RECK: variants seen among roughly 807,000 people sequenced by gnomAD.
The protein encoded by RECK is reversion-inducing cysteine-rich protein with Kazal motifs.
In RECK, 69 loss-of-function variants were observed where a neutral mutation model predicts 115.1. The ratio of observed to expected loss-of-function variants is 0.60; its 90% CI spans 0.49 to 0.73. The LOEUF (loss-of-function observed/expected upper bound fraction) is 0.73, where lower values mean the gene tolerates loss of function less well. Ranked by LOEUF, RECK falls within the 30% of genes least tolerant of loss-of-function variation. The pLI, the probability that RECK is intolerant of heterozygous loss-of-function variation, is 0.00. For missense variants in RECK, 1,047 were observed against 1,203.7 expected (o/e 0.87, Z 1.93); for synonymous variants, 414 against 419.7 (o/e 0.99, Z 0.17).
intron 5 of RECK, among the ~76,000 whole-genome samples, chr9:36,064,915 C>T (rs1156241922): frequency 6.6e-6 from 1 of 151,934 alleles, no homozygotes; most frequent in Non-Finnish European, 1.5e-5. Flanking sequence ...CACCCCTCAG[C>T]AGATTTTTTT....
At chr9:36,066,876 A>G in intron 6 of RECK, 1 of 1,268,190 alleles carries the variant, frequency 7.9e-7, no homozygotes. Flanking sequence ...GAAAGGTAAG[A>G]GAGACAAACT....
chr9:36,109,835 C>A (rs1309893398), intron 14 of RECK, 122 bp from the exon 15 acceptor site: 7 of 968,984 alleles, frequency 7.2e-6, no homozygotes, highest in East Asian at 2.6e-5. Context: ...TAGAATGAGA[C>A]CCTTCTCAAA....
chr9:36,100,877 C>A lies in RECK; in HGVS notation c.1298+334C>A, dbSNP rs577252508. On this transcript the variant is annotated intron_variant, in intron 11 of 20. Coordinates refer to ENST00000377966, the MANE Select transcript of RECK (RefSeq NM_021111.3). ...TAGTTCATGAAACATTTATTAAATA[C>A]CTCTGATGCACAATTCTATTTTTAT... Among the ~76,000 whole-genome samples, 56 of 152,246 alleles carry A rather than the reference C, an allele frequency of 3.7e-4. No homozygotes were observed. The South Asian group carries it at 6.4e-3, about 17-fold the overall frequency.
At chr9:36,103,753 G>A (rs974678521) in intron 12 of RECK, among the ~76,000 whole-genome samples, 1 of 152,198 alleles carries the variant, frequency 6.6e-6, no homozygotes, top group Non-Finnish European at 1.5e-5. Context: ...AAAAAAGAGA[G>A]CATTAGACTG....
chr9:36,065,793 T>C (rs939246654), intron 6 of RECK, among the ~76,000 whole-genome samples, 169 bp downstream of exon 6: 2 of 152,190 alleles, frequency 1.3e-5, no homozygotes, highest in South Asian at 2.1e-4. Context: ...ATGTTATGAT[T>C]TTAGTTGATT....
At chr9:36,112,122 C>CAAAAAAAAA (rs58460262) in intron 15 of RECK, among the ~76,000 whole-genome samples, 183 bp from the exon 16 acceptor site, 1 of 71,648 alleles carries the variant, frequency 1.4e-5, no homozygotes, top group Non-Finnish European at 2.6e-5. Flanking sequence ...GACTCCATCT[C>CAAAAAAAAA]AAAAAAAAAA....
Position 36,109,961 on chromosome 9 carries a change from T to A in RECK, c.1770T>A (p.His590Gln), listed in dbSNP as rs978949754. ...TTTTCTTTCTGTTTCTGTCAGGTCA[T>A]GGAACATCCTTTAGTATTGACTGCA... is the stretch of plus-strand genomic sequence containing the variant. Reference protein sequence around the residue: ...SCIVGGKRKSHGTSFSIDCNV... With the variant: ...SCIVGGKRKSQGTSFSIDCNV... The change falls in exon 15 of 21, where the codon CAT becomes CAA. Residue 590 changes from histidine (H) to glutamine (Q), a missense_variant. By Grantham distance (24) the His-to-Gln change is conservative (BLOSUM62 0). Coordinates refer to ENST00000377966, the MANE Select transcript of RECK (RefSeq NM_021111.3). 1.3e-5 allele frequency: 21 copies of A among 1,611,768 alleles called. No individual in the cohort carries two copies. In the Admixed American group the frequency reaches 2.8e-4, roughly 22 times the overall value.
In RECK at chr9:36,113,890, G is replaced by T. The variant is rs562837877; in HGVS notation, c.2060+1414G>T. Among the ~76,000 whole-genome samples, 9 of 152,268 alleles carry T rather than the reference G, an allele frequency of 5.9e-5. No homozygotes were observed. In the East Asian group the frequency reaches 1.7e-3, roughly 29 times the overall value. ...TGAAAAGGTACTTTTATTTGTTAGG[G>T]TAAGTAATTCCAGCTACTGTATACA... On this transcript the variant is annotated intron_variant, in intron 16 of 20. Transcript: ENST00000377966.
chr9:36,119,749 A>G (rs868509443), intron 18 of RECK, among the ~76,000 whole-genome samples: 16 of 152,326 alleles, frequency 1.1e-4, no homozygotes, highest in African/African-American at 3.8e-4. Flanking sequence ...ATAAGTTGCC[A>G]TGCAAATCTG....
In RECK at chr9:36,102,122, T is replaced by A; in HGVS notation, c.1327T>A (p.Cys443Ser). The stretch of plus-strand genomic sequence containing the variant: ...AGATTGTGTGGAGATTCTTAAAAAA[T>A]GTGGAGACCAGAACAAATTCCCTGA... Reference protein sequence around the residue: ...KSDCVEILKKCGDQNKFPEDH... With the variant: ...KSDCVEILKKSGDQNKFPEDH... The change falls in exon 12 of 21, where the codon TGT becomes AGT. Residue 443 changes from cysteine to serine, a missense_variant. Cys to Ser is a moderately radical substitution (Grantham distance 112). Coordinates refer to ENST00000377966, the MANE Select transcript of RECK (RefSeq NM_021111.3). The A allele has an allele frequency of 6.2e-7, 1 of 1,613,438 alleles. No homozygotes were observed.
At chr9:36,048,697 C>T (rs898536003) in intron 1 of RECK, among the ~76,000 whole-genome samples, 1 of 152,150 alleles carries the variant, frequency 6.6e-6, no homozygotes, top group Non-Finnish European at 1.5e-5. Context: ...AGTTAGAGAG[C>T]ATAACTTTTG....
chr9:36,087,716 T>A lies in RECK; in HGVS notation c.660T>A (p.Ala220=). ...TAGGTTTATATTGCTGTGACAGAGCTGAAGACCATGCTTGCCAAAATGCCT... is the reference window on the plus strand; with the variant it reads ...TAGGTTTATATTGCTGTGACAGAGCAGAAGACCATGCTTGCCAAAATGCCT... ...PTDSLYCCDR[A]EDHACQNACK... Residue 220 remains alanine (A), a synonymous_variant, in exon 9 of 21, where the codon GCT becomes GCA. Coordinates refer to ENST00000377966, the MANE Select transcript of RECK (RefSeq NM_021111.3). The A allele has an allele frequency of 6.2e-7, 1 of 1,614,004 alleles. No homozygotes were observed. The highest frequency in any genetic ancestry group is 8.5e-7 in the Non-Finnish European group (1 of 1,179,910).
rs1821961094 is a variant in RECK, at chr9:36,065,576, G to T, written c.358-1G>T. ...TAATGGAGAAATTTGTTGGTTTTTA[G>T]GCATCTTCAAAGAATGATATTTCCA... is the stretch of plus-strand genomic sequence containing the variant. On this transcript the variant is annotated splice_acceptor_variant, in intron 5 of 20. Coordinates refer to ENST00000377966, the MANE Select transcript of RECK (RefSeq NM_021111.3). LOFTEE classifies it high-confidence loss of function. 6.3e-7 allele frequency: 1 copy of T among 1,581,686 alleles called. No homozygotes were observed. The highest frequency in any genetic ancestry group is 8.6e-7 in the Non-Finnish European group (1 of 1,166,846).
At chr9:36,103,288 GAACA>G (rs1823633691) in intron 12 of RECK, among the ~76,000 whole-genome samples, 1 of 152,204 alleles carries the variant, frequency 6.6e-6, no homozygotes, top group South Asian at 2.1e-4. Context: ...ACAAAAAACA[GAACA>G]AATAGAAGTA....
rs1281578210 is a variant in RECK at position 36,058,849 on chromosome 9, C to G, written c.182C>G (p.Ser61Cys). 8.2e-6 allele frequency: 13 copies of G among 1,581,974 alleles called. No individual in the cohort carries two copies. The highest frequency in any genetic ancestry group is 2.7e-5 in the African/African-American group (2 of 73,220). The change falls in exon 3 of 21, where the codon TCC becomes TGC. Residue 61 changes from serine to cysteine, a missense_variant. Coordinates refer to ENST00000377966, the MANE Select transcript of RECK (RefSeq NM_021111.3). ...CEQIFSSKSE[S>C]RLKHLLQRAP... ...TAGATTTTCTCCTCAAAAAGTGAAT[C>G]CCGACTAAAACATCTGTTGCAGCGA...
Position 36,065,625 on chromosome 9 carries a change from G to T in RECK, c.405+1G>T. On this transcript the variant is annotated splice_donor_variant, in intron 6 of 20. Coordinates refer to ENST00000377966, the MANE Select transcript of RECK (RefSeq NM_021111.3). LOFTEE classifies it high-confidence loss of function. ...CAAAGTTTGCAGAAAAGAATATGAG[G>T]TATGCATTTTATTTAACAAATGTGG... 1.3e-6 allele frequency: 2 copies of T among 1,567,118 alleles called. No homozygotes were observed. Among genetic ancestry groups the T allele is most frequent in the Non-Finnish European group, 1.7e-6 (2 of 1,160,142 alleles).
rs369662627 is a variant in RECK at position 36,106,127 on chromosome 9, G to A, written c.1576+844G>A. Reference sequence around the variant, plus strand: ...CGGGAGGCTGAGGCAGGAGAATGGCGTGAACCCGGGAGGCGGAGCTTGCAG... The same window carrying A: ...CGGGAGGCTGAGGCAGGAGAATGGCATGAACCCGGGAGGCGGAGCTTGCAG... On this transcript the variant is annotated intron_variant, in intron 13 of 20. Coordinates refer to ENST00000377966, the MANE Select transcript of RECK (RefSeq NM_021111.3). Among the ~76,000 whole-genome samples the A allele has an allele frequency of 4.4e-4, 66 of 149,742 alleles. 1 individual carries two copies. The East Asian group carries it at 0.012, about 28-fold the overall frequency.
At chr9:36,099,682 G>T (rs1340897221) in intron 10 of RECK, among the ~76,000 whole-genome samples, 1 of 148,374 alleles carries the variant, frequency 6.7e-6, no homozygotes, top group Non-Finnish European at 1.5e-5. Context: ...ATGAAATCTT[G>T]CTATGTTGCC....
At chr9:36,082,527 T>G (rs1822764099) in intron 7 of RECK, among the ~76,000 whole-genome samples, 1 of 152,132 alleles carries the variant, frequency 6.6e-6, no homozygotes, top group African/African-American at 2.4e-5. Context: ...ACAGACTCCC[T>G]TAGATTCCTG....
Sources: allele counts gnomAD v4.1 joint callset (sites outside exome capture counted in the v4.1 genomes callset), GRCh38; gene constraint gnomAD v4.1.1; transcripts MANE v1.5; gene names NCBI Gene and HGNC (gene_info 2026-07-23, HGNC 2026-07-21).